GNB1: variants seen among roughly 807,000 people sequenced by gnomAD.
The protein encoded by GNB1 is G protein subunit beta 1.
In GNB1, 2 loss-of-function variants were observed where a neutral mutation model predicts 42.9. The ratio of observed to expected loss-of-function variants is 0.05; its 90% CI spans 0.02 to 0.15. The LOEUF is 0.15. GNB1 is among the 10% of genes least tolerant of loss of function. GNB1 has a pLI of 1.00. For synonymous variants in GNB1, 183 were observed against 174.7 expected (o/e 1.05, Z -0.38); for missense variants, 193 against 462.2 (o/e 0.42, Z 5.34).
chr1:1,883,346 T>C (rs1296399634), intron 1 of GNB1, among the ~76,000 whole-genome samples: 1 of 151,006 alleles, frequency 6.6e-6, no homozygotes, highest in Non-Finnish European at 1.5e-5. Context: ...AGAGATTTAG[T>C]AGAAAGTAAG....
intron 1 of GNB1, among the ~76,000 whole-genome samples, chr1:1,861,688 C>T (rs1648637908): frequency 6.6e-6 from 1 of 151,986 alleles, no homozygotes; most frequent in African/African-American, 2.4e-5. Flanking sequence ...AAGGAGGCTT[C>T]AATCTGTGGC....
chr1:1,799,892 A>T (rs916997560), intron 7 of GNB1, among the ~76,000 whole-genome samples: 4 of 152,228 alleles, frequency 2.6e-5, no homozygotes, highest in African/African-American at 9.6e-5. Flanking sequence ...CAAAGAAGAA[A>T]GCCACAGAAA....
chr1:1,841,966 G>T (rs1414379590), intron 1 of GNB1, among the ~76,000 whole-genome samples: 1 of 152,204 alleles, frequency 6.6e-6, no homozygotes, highest in Non-Finnish European at 1.5e-5. Flanking sequence ...AGCATGAATG[G>T]ATGAATAAAA....
chr1:1,888,124 T>C (rs141055673), intron 1 of GNB1, among the ~76,000 whole-genome samples: 32 of 152,372 alleles, frequency 2.1e-4, no homozygotes, highest in Non-Finnish European at 8.8e-5. Flanking sequence ...GAGATAACTA[T>C]GGTTCTGTCA....
chr1:1,870,892 C>T (rs547560258), intron 1 of GNB1, among the ~76,000 whole-genome samples: 1 of 152,148 alleles, frequency 6.6e-6, no homozygotes, highest in African/African-American at 2.4e-5. Flanking sequence ...GATTTCACCA[C>T]TGCACTCCAG....
chr1:1,808,977 T>C (rs1646740108), intron 5 of GNB1, among the ~76,000 whole-genome samples: 1 of 152,182 alleles, frequency 6.6e-6, no homozygotes, highest in Non-Finnish European at 1.5e-5. Context: ...TGTGAACATA[T>C]GTGGCTTCTT....
At chr1:1,888,542 A>G (rs750995736) in intron 1 of GNB1, among the ~76,000 whole-genome samples, 7 of 152,166 alleles carry the variant, frequency 4.6e-5, no homozygotes, top group Non-Finnish European at 7.3e-5. Flanking sequence ...ATCGTTAGAA[A>G]GTTCTGCCTT....
chr1:1,791,615 G>A (rs1046754536), intron 8 of GNB1, among the ~76,000 whole-genome samples: 6 of 152,166 alleles, frequency 3.9e-5, no homozygotes, highest in African/African-American at 1.2e-4. Context: ...CTATTCTCCT[G>A]TGCCTCGACC....
chr1:1,842,586 CAG>C (rs1460470525), intron 1 of GNB1, among the ~76,000 whole-genome samples: 2 of 152,146 alleles, frequency 1.3e-5, no homozygotes, highest in African/African-American at 4.8e-5. Flanking sequence ...TCCAAAGAGA[CAG>C]AATGCAGTGG....
intron 2 of GNB1, among the ~76,000 whole-genome samples, chr1:1,829,552 C>A (rs1240948841): frequency 1.3e-5 from 2 of 152,082 alleles, no homozygotes; most frequent in Non-Finnish European, 2.9e-5. Context: ...TGCAAGGGAA[C>A]CAGGTGCCAG....
chr1:1,787,223 A>T lies in GNB1; in HGVS notation c.*9+99T>A. ...CAACACAATTCCAAATCAATGCTAC[A>T]TCAACATTTATCTAGAAACCGTTAA... On this transcript the variant is annotated intron_variant, in intron 11 of 11. Transcript: ENST00000378609. The surrounding 1 kb of genome is among the most constrained non-coding windows in gnomAD (Gnocchi z 4.4). 4 of 719,238 alleles carry T rather than the reference A, an allele frequency of 5.6e-6. No individual in the cohort carries two copies. The highest frequency in any genetic ancestry group is 9.7e-6 in the Non-Finnish European group (4 of 410,638). The allele number at this position is 719,238 out of a possible 1,614,324, so 44.6% of individuals were successfully genotyped here. A position where few individuals can be genotyped will look rare whatever the true frequency, so the allele number is the denominator to read the frequency against.
At chr1:1,844,062 G>T (rs940747971) in intron 1 of GNB1, among the ~76,000 whole-genome samples, 3 of 152,028 alleles carry the variant, frequency 2.0e-5, no homozygotes, top group Non-Finnish European at 4.4e-5. Context: ...GGGCGTGGTG[G>T]CGGGTGCCTG....
At chr1:1,805,400 G>A (rs1362156234) in intron 6 of GNB1, among the ~76,000 whole-genome samples, 1 of 151,772 alleles carries the variant, frequency 6.6e-6, no homozygotes, top group African/African-American at 2.4e-5. Context: ...GGTGGAGGCT[G>A]CAGTGAGCAG....
At chr1:1,833,565 G>A (rs1363156664) in intron 2 of GNB1, among the ~76,000 whole-genome samples, 1 of 152,196 alleles carries the variant, frequency 6.6e-6, no homozygotes, top group Non-Finnish European at 1.5e-5. Flanking sequence ...TCAGCATGGT[G>A]CTGAGCAGCA....
intron 4 of GNB1, 70 bp downstream of exon 4, chr1:1,817,767 G>T: frequency 1.9e-6 from 2 of 1,080,950 alleles, no homozygotes; most frequent in African/African-American, 1.5e-5. Context: ...CCCTCCCGAG[G>T]CTCCAGGTGT....
intron 5 of GNB1, among the ~76,000 whole-genome samples, chr1:1,811,386 C>A (rs1441378625): frequency 6.6e-6 from 1 of 152,092 alleles, no homozygotes; most frequent in Non-Finnish European, 1.5e-5. Context: ...CCGCGTCTAG[C>A]CTCATGTAGT....
chr1:1,862,214 T>C (rs1293578133), intron 1 of GNB1, among the ~76,000 whole-genome samples: 1 of 152,134 alleles, frequency 6.6e-6, no homozygotes, highest in African/African-American at 2.4e-5. Context: ...GAGTAAAACC[T>C]TGTCAAATAA....
intron 1 of GNB1, among the ~76,000 whole-genome samples, chr1:1,850,128 G>A (rs1327142258): frequency 1.3e-5 from 2 of 151,268 alleles, no homozygotes; most frequent in African/African-American, 2.4e-5. Flanking sequence ...ACCACACCCA[G>A]CTAATTTTTT....
At chr1:1,812,337 A>T (rs1646792159) in intron 5 of GNB1, among the ~76,000 whole-genome samples, 1 of 151,600 alleles carries the variant, frequency 6.6e-6, no homozygotes, top group African/African-American at 2.4e-5. Context: ...CCTAGAACTT[A>T]AAGAAAAAAA....
Sources: gnomAD v4.1 joint callset for allele counts (sites outside exome capture counted in the v4.1 genomes callset) on GRCh38, gnomAD v4.1.1 for gene constraint, Gnocchi (gnomAD v3.1) non-coding constraint, MANE v1.5 for transcripts, NCBI Gene and HGNC (gene_info 2026-07-23, HGNC 2026-07-21) for gene names.